EXOSC4: variants seen among roughly 807,000 people sequenced by gnomAD.
EXOSC4 encodes exosome component 4.
In EXOSC4, 14 loss-of-function variants were observed where a neutral mutation model predicts 20.0. That is an observed-to-expected ratio of 0.70 (90% CI 0.46 to 1.09). The LOEUF (loss-of-function observed/expected upper bound fraction) is 1.09. EXOSC4 is among the 50% of genes least tolerant of loss of function. The pLI, the probability that EXOSC4 is intolerant of heterozygous loss-of-function variation, is 0.00. For synonymous variants in EXOSC4, 148 were observed against 146.4 expected (o/e 1.01, Z -0.08); for missense variants, 337 against 334.0 (o/e 1.01, Z -0.07).
upstream of EXOSC4, among the ~76,000 whole-genome samples, chr8:144,076,008 G>A (rs886185661): frequency 2.6e-5 from 4 of 152,162 alleles, no homozygotes; most frequent in Non-Finnish European, 5.9e-5. Flanking sequence ...GTTTTTCATG[G>A]TTCCCCCACT....
chr8:144,078,701 CAG>C lies in EXOSC4; in HGVS notation c.-23_-22del, dbSNP rs1246112288. The C allele has an allele frequency of 7.2e-7, 1 of 1,397,486 alleles. No individual in the cohort carries two copies. 86.6% of individuals were successfully genotyped at this position (1,397,486 alleles called of 1,614,324 possible). A position where few individuals can be genotyped will look rare whatever the true frequency, so the allele number is the denominator to read the frequency against. On this transcript the variant is annotated 5_prime_UTR_variant, in exon 1 of 3. Transcript: ENST00000316052. The surrounding 1 kb of genome is among the most constrained non-coding windows in gnomAD (Gnocchi z 4.7). The stretch of plus-strand genomic sequence containing the variant: ...TTCTCCCGCGGCTCAGAGAAGTAGG[CAG>C]AGAGCGGACCTGGCGGCCGGGCAGC...
At chr8:144,072,139 A>C in the EXOSC4 span, among the ~76,000 whole-genome samples, 12 of 151,738 alleles carry the variant, frequency 7.9e-5, no homozygotes, top group African/African-American at 2.9e-4. Context: ...GGAACATTTC[A>C]AGTCCTCACC....
chr8:144,065,360 TG>T, the EXOSC4 span, among the ~76,000 whole-genome samples: 1 of 152,000 alleles, frequency 6.6e-6, no homozygotes, highest in Non-Finnish European at 1.5e-5. Flanking sequence ...CCTGTGCGAG[TG>T]GGGGCAGTGC....
At chr8:144,072,125 G>A in the EXOSC4 span, among the ~76,000 whole-genome samples, 5 of 152,332 alleles carry the variant, frequency 3.3e-5, no homozygotes, top group South Asian at 1.0e-3. Context: ...ATTTCCGTGT[G>A]TTGGGAACAT....
chr8:144,078,742 A>C lies in EXOSC4; in HGVS notation c.14A>C (p.Glu5Ala). 6.8e-7 allele frequency: 1 copy of C among 1,470,444 alleles called. No homozygotes were observed. Among genetic ancestry groups the C allele is most frequent in the Non-Finnish European group, 9.0e-7 (1 of 1,108,506 alleles). 91.1% of individuals were successfully genotyped at this position (1,470,444 alleles called of 1,614,324 possible). Reference sequence around the variant, plus strand: ...CGGCCGGGCAGCATGGCGGGGCTGGAGCTCTTGTCGGACCAGGGCTACCGG... The same window carrying C: ...CGGCCGGGCAGCATGGCGGGGCTGGCGCTCTTGTCGGACCAGGGCTACCGG... MAGL[E>A]LLSDQGYRVD... Residue 5 changes from glutamate to alanine, a missense_variant, in exon 1 of 3, where the codon GAG becomes GCG. Glu to Ala is a moderately radical substitution (Grantham distance 107). Transcript: ENST00000316052. This position sits in a 1 kb window ranked among gnomAD's most constrained non-coding sequence, Gnocchi z 4.7.
upstream of EXOSC4, among the ~76,000 whole-genome samples, chr8:144,075,765 C>T (rs1835831315): frequency 6.6e-6 from 1 of 152,222 alleles, no homozygotes. Context: ...TAGGGGAAAC[C>T]TGTTGGAGTC....
upstream of EXOSC4, among the ~76,000 whole-genome samples, chr8:144,074,912 G>T (rs1437383462): frequency 6.6e-6 from 1 of 152,092 alleles, no homozygotes; most frequent in Non-Finnish European, 1.5e-5. Flanking sequence ...GAAGAAATTT[G>T]ATAAGCGGTT....
At chr8:144,069,457 G>T in the EXOSC4 span, among the ~76,000 whole-genome samples, 1 of 152,318 alleles carries the variant, frequency 6.6e-6, no homozygotes, top group African/African-American at 2.4e-5. Flanking sequence ...GGACTGCTTG[G>T]CTTGCAGCCA....
the EXOSC4 span, among the ~76,000 whole-genome samples, chr8:144,070,390 G>A: frequency 6.6e-6 from 1 of 152,042 alleles, no homozygotes; most frequent in East Asian, 1.9e-4. Context: ...TGGGTGTGGT[G>A]GCGGGTGCCT....
the EXOSC4 span, among the ~76,000 whole-genome samples, chr8:144,072,194 T>G: frequency 6.0e-3 from 919 of 152,264 alleles, 3 homozygotes; most frequent in Non-Finnish European, 6.9e-3. Context: ...GTTTTGTTTT[T>G]TTTTGAGACG....
chr8:144,071,389 A>G, the EXOSC4 span, among the ~76,000 whole-genome samples: 1 of 142,546 alleles, frequency 7.0e-6, no homozygotes, highest in Non-Finnish European at 1.5e-5. Context: ...GCAGTGTCCC[A>G]CTTCTCCCGC....
upstream of EXOSC4, chr8:144,078,498 G>T: frequency 2.5e-6 from 1 of 394,234 alleles, no homozygotes; most frequent in East Asian, 3.8e-5. The surrounding 1 kb of genome is among the most constrained non-coding windows in gnomAD (Gnocchi z 4.7). Context: ...TAGATCCGGG[G>T]AGGTCGGGGC....
At chr8:144,072,759 G>A in the EXOSC4 span, among the ~76,000 whole-genome samples, 2 of 152,208 alleles carry the variant, frequency 1.3e-5, no homozygotes, top group African/African-American at 4.8e-5. Context: ...GTATTCTATT[G>A]TGTATACACA....
At chr8:144,065,321 C>T in the EXOSC4 span, among the ~76,000 whole-genome samples, 4 of 152,290 alleles carry the variant, frequency 2.6e-5, no homozygotes, top group Admixed American at 6.5e-5. Flanking sequence ...TCCCTGGCTA[C>T]TCGAGTGGAG....
chr8:144,070,013 C>T, the EXOSC4 span, among the ~76,000 whole-genome samples: 117 of 152,218 alleles, frequency 7.7e-4, 3 homozygotes, highest in Non-Finnish European at 2.2e-4. Flanking sequence ...TCCGCCCGGG[C>T]GTGCCCAAAG....
At chr8:144,077,202 G>C (rs1238913708), upstream of EXOSC4, among the ~76,000 whole-genome samples, 1 of 152,174 alleles carries the variant, frequency 6.6e-6, no homozygotes, top group East Asian at 1.9e-4. Context: ...CTGACATTGT[G>C]CCACGGCACT....
upstream of EXOSC4, chr8:144,078,606 G>A (rs1835860617): frequency 1.2e-5 from 14 of 1,139,588 alleles, no homozygotes; most frequent in South Asian, 4.0e-5. The surrounding 1 kb of genome is among the most constrained non-coding windows in gnomAD (Gnocchi z 4.7). Context: ...GTAGTTCCCC[G>A]GAACCGGAAG....
the EXOSC4 span, chr8:144,064,103 G>C: frequency 6.6e-6 from 1 of 152,400 alleles, no homozygotes; most frequent in African/African-American, 2.4e-5. Context: ...GAGGTGGCCT[G>C]ACCTCTGACC....
At chr8:144,064,253 T>C in the EXOSC4 span, among the ~76,000 whole-genome samples, 39 of 152,260 alleles carry the variant, frequency 2.6e-4, no homozygotes, top group Non-Finnish European at 4.9e-4. Context: ...GGAAGGGATA[T>C]GGGATGCAGG....
Sources: allele counts gnomAD v4.1 joint callset (sites outside exome capture counted in the v4.1 genomes callset), GRCh38; gene constraint gnomAD v4.1.1; non-coding constraint Gnocchi (gnomAD v3.1); transcripts MANE v1.5; gene names NCBI Gene and HGNC (gene_info 2026-07-23, HGNC 2026-07-21).